Variants in DLG2 observed in about 807,000 individuals in gnomAD.
DLG2 encodes disks large homolog 2.
A neutral mutation model predicts 132.5 loss-of-function variants in DLG2; 45 were observed. The ratio of observed to expected loss-of-function variants is 0.34; its 90% CI spans 0.27 to 0.44. The LOEUF (loss-of-function observed/expected upper bound fraction) is 0.44, where lower values mean the gene tolerates loss of function less well. Among genes scored for constraint, DLG2 ranks in the 20% least tolerant of loss-of-function variants. DLG2 has a pLI of 1.00. For missense variants in DLG2, 1,045 were observed against 1,196.9 expected (o/e 0.87, Z 1.87); for synonymous variants, 424 against 419.6 (o/e 1.01, Z -0.13).
intron 15 of DLG2, among the ~76,000 whole-genome samples, chr11:83,875,273 T>C (rs1449376459): frequency 6.6e-6 from 1 of 152,136 alleles, no homozygotes; most frequent in African/African-American, 2.4e-5. Flanking sequence ...GTAATATAAA[T>C]AAAATGATAA....
At chr11:84,022,561 C>T (rs1192584514) in intron 11 of DLG2, among the ~76,000 whole-genome samples, 1 of 152,176 alleles carries the variant, frequency 6.6e-6, no homozygotes. Context: ...AAAACCTCTT[C>T]TTCATTCTCT....
intron 6 of DLG2, among the ~76,000 whole-genome samples, chr11:84,904,088 A>T (rs1371702774): frequency 6.6e-6 from 1 of 152,130 alleles, no homozygotes; most frequent in African/African-American, 2.4e-5. Context: ...ACCATAACAA[A>T]AGTACTCAGT....
At chr11:84,372,307 G>C (rs968584602) in intron 7 of DLG2, among the ~76,000 whole-genome samples, 4 of 152,000 alleles carry the variant, frequency 2.6e-5, no homozygotes, top group Admixed American at 2.6e-4. Context: ...AATTATGCTG[G>C]ACCGCATATG....
At chr11:85,476,676 G>A (rs1176085500) in intron 3 of DLG2, among the ~76,000 whole-genome samples, 3 of 151,566 alleles carry the variant, frequency 2.0e-5, no homozygotes, top group African/African-American at 7.3e-5. Flanking sequence ...CACTAACATA[G>A]GCCTACATGA....
intron 5 of DLG2, among the ~76,000 whole-genome samples, chr11:85,151,158 A>G (rs1008859448): frequency 5.9e-5 from 9 of 152,070 alleles, no homozygotes; most frequent in South Asian, 2.1e-4. Flanking sequence ...GGCCATTTGT[A>G]TATTTTCTTT....
intron 7 of DLG2, among the ~76,000 whole-genome samples, chr11:84,396,218 T>G (rs1455155079): frequency 2.0e-5 from 3 of 152,204 alleles, no homozygotes; most frequent in Non-Finnish European, 4.4e-5. Flanking sequence ...CTCAGCTAAA[T>G]GAAGAGTTTC....
intron 5 of DLG2, among the ~76,000 whole-genome samples, chr11:85,148,632 G>A (rs1396174053): frequency 6.6e-6 from 1 of 152,118 alleles, no homozygotes; most frequent in East Asian, 1.9e-4. Flanking sequence ...TAAGTTCCTT[G>A]TAGATTCTGG....
At chr11:85,353,507 TA>T (rs2083455060) in intron 3 of DLG2, among the ~76,000 whole-genome samples, 1 of 152,236 alleles carries the variant, frequency 6.6e-6, no homozygotes, top group Admixed American at 6.5e-5. Flanking sequence ...CAAAGGATTA[TA>T]AATCATGCTG....
chr11:85,592,831 T>G (rs1180675319), intron 3 of DLG2, among the ~76,000 whole-genome samples: 1 of 151,818 alleles, frequency 6.6e-6, no homozygotes, highest in African/African-American at 2.4e-5. Flanking sequence ...CGCATACCAG[T>G]AGTCCCAGGT....
chr11:84,132,389 T>C (rs2094452766), intron 9 of DLG2, among the ~76,000 whole-genome samples: 1 of 151,942 alleles, frequency 6.6e-6, no homozygotes, highest in Non-Finnish European at 1.5e-5. Context: ...CTTAGAAACA[T>C]ACAAGAAGCA....
chr11:85,171,005 G>C (rs2078825543), intron 4 of DLG2, among the ~76,000 whole-genome samples: 3 of 151,670 alleles, frequency 2.0e-5, no homozygotes, highest in Admixed American at 2.0e-4. Flanking sequence ...ACACGTAGAA[G>C]AAATGAGGCA....
In DLG2 at chr11:85,445,403, C is replaced by G. The variant is rs983550537; in HGVS notation, c.40+153254G>C. On this transcript the variant is annotated intron_variant, in intron 3 of 27. Coordinates refer to ENST00000376104, the MANE Select transcript of DLG2 (RefSeq NM_001142699.3). ...CTCAAAATTGAAAGCACTGGCCGGG[C>G]GCGGTGGCTCATGCCTGTAATCCCA... Among the ~76,000 whole-genome samples the G allele has an allele frequency of 2.6e-5, 4 of 152,256 alleles. No homozygotes were observed. In the East Asian group the frequency reaches 7.7e-4, roughly 29 times the overall value.
intron 7 of DLG2, among the ~76,000 whole-genome samples, chr11:84,422,943 C>G (rs1045943505): frequency 2.6e-5 from 4 of 152,122 alleles, no homozygotes; most frequent in Non-Finnish European, 4.4e-5. Context: ...AGTCACTTCT[C>G]CTGCTTTCTT....
At chr11:84,713,261 A>T (rs368072390) in intron 6 of DLG2, among the ~76,000 whole-genome samples, 1 of 152,248 alleles carries the variant, frequency 6.6e-6, no homozygotes, top group African/African-American at 2.4e-5. Context: ...TTTAAGAGTG[A>T]TATGACTTTG....
At position 85,338,491 on chromosome 11, in the gene DLG2, A is replaced by T. The variant is rs191061967; in HGVS notation, c.41-53126T>A. Among the ~76,000 whole-genome samples, 24 of 152,052 alleles carry T rather than the reference A, an allele frequency of 1.6e-4. No individual in the cohort carries two copies. The East Asian group carries it at 3.1e-3, about 20-fold the overall frequency. On this transcript the variant is annotated intron_variant, in intron 3 of 27. Transcript: ENST00000376104. ...CAATTAGGTTCATTTCTTAGTATTGATATTCCTTTGTGGGTTCAATCTATA... is the reference window on the plus strand; with the variant it reads ...CAATTAGGTTCATTTCTTAGTATTGTTATTCCTTTGTGGGTTCAATCTATA...
intron 17 of DLG2, 70 bp downstream of exon 17, chr11:83,833,544 T>A (rs2055202663): frequency 4.1e-6 from 6 of 1,463,656 alleles, no homozygotes; most frequent in Non-Finnish European, 5.5e-6. Flanking sequence ...GGTATCATAA[T>A]TGAAAGTTAT....
intron 20 of DLG2, among the ~76,000 whole-genome samples, chr11:83,534,409 G>A (rs549119635): frequency 7.1e-4 from 108 of 152,240 alleles, no homozygotes; most frequent in African/African-American, 2.4e-3. Context: ...GAAAAAACCC[G>A]AACCTACAGA....
chr11:85,111,519 T>G (rs2072739882), intron 6 of DLG2, 142 bp downstream of exon 6: 2 of 611,598 alleles, frequency 3.3e-6, no homozygotes, highest in African/African-American at 3.8e-5. Context: ...CAAAGCTTTC[T>G]GAAAGATTAT....
intron 6 of DLG2, among the ~76,000 whole-genome samples, chr11:85,076,606 G>A (rs190930273): frequency 7.4e-4 from 112 of 152,046 alleles, no homozygotes; most frequent in African/African-American, 2.4e-3. Context: ...CCTCACTGAC[G>A]CTCAGCACCC....
Sources: allele counts gnomAD v4.1 joint callset (sites outside exome capture counted in the v4.1 genomes callset), GRCh38; gene constraint gnomAD v4.1.1; transcripts MANE v1.5; gene names NCBI Gene and HGNC (gene_info 2026-07-23, HGNC 2026-07-21).